The following SRSF7 variants were observed in gnomAD, a reference collection of about 807,000 sequenced individuals.
SRSF7 encodes the protein serine and arginine rich splicing factor 7, also known as serine/arginine-rich splicing factor 7.
A neutral mutation model predicts 42.2 loss-of-function variants in SRSF7; 15 were observed. The observed-to-expected ratio is 0.36, with a 90% CI of 0.24 to 0.55. The LOEUF (loss-of-function observed/expected upper bound fraction) is 0.55, where lower values mean the gene tolerates loss of function less well. SRSF7 is among the 20% of genes least tolerant of loss of function. The pLI is 0.88. For missense variants in SRSF7, 181 were observed against 305.9 expected (o/e 0.59, Z 3.04); for synonymous variants, 138 against 107.9 (o/e 1.28, Z -1.73).
At chr2:38,745,751 G>C (rs1158592837) in intron 7 of SRSF7, among the ~76,000 whole-genome samples, 1 of 152,060 alleles carries the variant, frequency 6.6e-6, no homozygotes, top group Non-Finnish European at 1.5e-5. Flanking sequence ...TGGTCATTAA[G>C]AAGCACTAGA....
chr2:38,749,298 T>C, intron 3 of SRSF7: 1 of 1,485,074 alleles, frequency 6.7e-7, no homozygotes, highest in Non-Finnish European at 9.0e-7. Flanking sequence ...CATGATATCA[T>C]AAGGCTCGTG....
At chr2:38,748,950 C>G in intron 3 of SRSF7, 1 of 1,316,370 alleles carries the variant, frequency 7.6e-7, no homozygotes, top group Non-Finnish European at 9.8e-7. Context: ...TAGATCTAGA[C>G]GATCTAGAAG....
chr2:38,748,179 C>A, intron 4 of SRSF7, 22 bp from the exon 5 acceptor site: 1 of 1,577,056 alleles, frequency 6.3e-7, no homozygotes, highest in Non-Finnish European at 8.6e-7. Flanking sequence ...AACTTTAAGT[C>A]CATCTCCACA....
At chr2:38,745,629 C>G (rs909732148) in intron 7 of SRSF7, among the ~76,000 whole-genome samples, 4 of 151,748 alleles carry the variant, frequency 2.6e-5, no homozygotes, top group African/African-American at 9.7e-5. Flanking sequence ...CACTCCAAGC[C>G]TGGGGACAGA....
chr2:38,746,614 T>G, intron 6 of SRSF7, 80 bp downstream of exon 6: 1 of 1,585,162 alleles, frequency 6.3e-7, no homozygotes, highest in Non-Finnish European at 8.6e-7. Context: ...CACTTAAAAT[T>G]TCAACAATTA....
In SRSF7 at chr2:38,744,907, T is replaced by G; in HGVS notation, c.*226A>C. ...CAAATCAAAAATCTAGTTAGAAACA[T>G]TTTATTTAAATGTGCCAAATAAAAA... On this transcript the variant is annotated 3_prime_UTR_variant, in exon 8 of 8. Transcript: ENST00000313117. 1 of 460,902 alleles carries G rather than the reference T, an allele frequency of 2.2e-6. No individual in the cohort carries two copies. The highest frequency in any genetic ancestry group is 3.8e-6 in the Non-Finnish European group (1 of 261,236). 28.6% of individuals were successfully genotyped at this position (460,902 alleles called of 1,614,324 possible). A position where few individuals can be genotyped will look rare whatever the true frequency, so the allele number is the denominator to read the frequency against.
Position 38,744,310 on chromosome 2 carries a change from A to AG in SRSF7, c.*822dup. The AG allele has an allele frequency of 6.6e-6, 1 of 152,636 alleles. No homozygotes were observed. Among genetic ancestry groups the AG allele is most frequent in the South Asian group, 2.1e-4 (1 of 4,820 alleles). The allele number at this position is 152,636 out of a possible 1,614,324, so 9.5% of individuals were successfully genotyped here. The stretch of plus-strand genomic sequence containing the variant: ...AATTTTGCAAAGCTGGTTTACATGA[A>AG]GGTGTTTTGTCCCAATTTCAGACAA... On this transcript the variant is annotated 3_prime_UTR_variant, in exon 8 of 8. Transcript: ENST00000313117.
chr2:38,746,948 T>C, intron 5 of SRSF7: 1 of 832,960 alleles, frequency 1.2e-6, no homozygotes, highest in East Asian at 2.8e-5. Context: ...CTTGTTTCTA[T>C]CACTCAATTG....
intron 2 of SRSF7, 33 bp from the exon 3 acceptor site, chr2:38,749,738 T>C (rs754789224): frequency 2.1e-5 from 31 of 1,504,714 alleles, no homozygotes; most frequent in Non-Finnish European, 2.7e-5. Flanking sequence ...ATTCTAAAGT[T>C]AAAAATATAT....
chr2:38,748,559 T>TA lies in SRSF7; in HGVS notation c.461+19_461+20insT. On this transcript the variant is annotated intron_variant, in intron 4 of 7. Coordinates refer to ENST00000313117, the MANE Select transcript of SRSF7 (RefSeq NM_001031684.3). ...AATTTAATAATAATACAGAAAGACT[T>TA]CAGTTAAACAAGATCTCACCTTCGT... is the stretch of plus-strand genomic sequence containing the variant. 6.2e-7 allele frequency: 1 copy of TA among 1,610,364 alleles called. No homozygotes were observed. Among genetic ancestry groups the TA allele is most frequent in the Non-Finnish European group, 8.5e-7 (1 of 1,176,716 alleles).
Position 38,744,124 on chromosome 2 carries a change from T to C in SRSF7, c.*1009A>G. 4 of 152,622 alleles carry C rather than the reference T, an allele frequency of 2.6e-5. No individual in the cohort carries two copies. Among genetic ancestry groups the C allele is most frequent in the South Asian group, 2.1e-4 (1 of 4,828 alleles). 9.5% of individuals were successfully genotyped at this position (152,622 alleles called of 1,614,324 possible). A position where few individuals can be genotyped will look rare whatever the true frequency, so the allele number is the denominator to read the frequency against. ...GATTTACAAAACCACTTTAGTCTCA[T>C]TGACATTTCTGATTGACATCTTTAA... is the stretch of plus-strand genomic sequence containing the variant. On this transcript the variant is annotated 3_prime_UTR_variant, in exon 8 of 8. Coordinates refer to ENST00000313117, the MANE Select transcript of SRSF7 (RefSeq NM_001031684.3).
At chr2:38,746,613 T>C in intron 6 of SRSF7, 81 bp downstream of exon 6, 1 of 1,585,294 alleles carries the variant, frequency 6.3e-7, no homozygotes, top group Non-Finnish European at 8.6e-7. Context: ...ACACTTAAAA[T>C]TTCAACAATT....
intron 7 of SRSF7, 27 bp from the exon 8 acceptor site, chr2:38,745,214 TC>T: frequency 6.2e-7 from 1 of 1,613,296 alleles, no homozygotes; most frequent in Non-Finnish European, 8.5e-7. Flanking sequence ...TAGGTTTGGA[TC>T]CAATTAGTGT....
intron 1 of SRSF7, 98 bp downstream of exon 1, chr2:38,751,131 C>A: frequency 2.0e-6 from 3 of 1,527,728 alleles, no homozygotes; most frequent in Admixed American, 1.7e-5. Flanking sequence ...CCATTACGCA[C>A]GCGGAATAAC....
At chr2:38,751,036 G>A (rs1234722275) in intron 1 of SRSF7, 193 bp downstream of exon 1, 13 of 660,978 alleles carry the variant, frequency 2.0e-5, no homozygotes, top group Middle Eastern at 2.6e-4. Context: ...TACGGAACTC[G>A]GCAGAGATGT....
intron 3 of SRSF7, 58 bp downstream of exon 3, chr2:38,749,471 A>C: frequency 6.5e-7 from 1 of 1,544,960 alleles, no homozygotes; most frequent in Non-Finnish European, 8.7e-7. Flanking sequence ...CTGCCTTGCT[A>C]ATAAAAGAAT....
chr2:38,751,432 G>C, upstream of SRSF7: 1 of 823,730 alleles, frequency 1.2e-6, no homozygotes, highest in Non-Finnish European at 1.9e-6. Flanking sequence ...TCGTTGTTCT[G>C]CGCGGCACAA....
chr2:38,750,537 C>G (rs1020779124), intron 1 of SRSF7, among the ~76,000 whole-genome samples: 1 of 151,670 alleles, frequency 6.6e-6, no homozygotes, highest in Non-Finnish European at 1.5e-5. Flanking sequence ...GGGCCCGCAG[C>G]GGCAGCGGCG....
At chr2:38,745,292 T>C in intron 7 of SRSF7, 105 bp from the exon 8 acceptor site, 1 of 1,164,660 alleles carries the variant, frequency 8.6e-7, no homozygotes, top group Non-Finnish European at 1.3e-6. Context: ...GGTACTAATT[T>C]CCTATAGCAA....
Sources: gnomAD v4.1 joint callset for allele counts (sites outside exome capture counted in the v4.1 genomes callset) on GRCh38, gnomAD v4.1.1 for gene constraint, MANE v1.5 for transcripts, NCBI Gene and HGNC (gene_info 2026-07-23, HGNC 2026-07-21) for gene names.